The following EEF2K variants were observed in gnomAD, a reference collection of about 807,000 sequenced individuals.
The protein encoded by EEF2K is alternative protein EEF2K.
EEF2K carries 70 observed loss-of-function variants against 93.8 expected under a neutral mutation model. The ratio of observed to expected loss-of-function variants is 0.75; its 90% CI spans 0.62 to 0.91. The LOEUF is 0.91. Ranked by LOEUF, EEF2K falls within the 40% of genes least tolerant of loss-of-function variation. The pLI, the probability that EEF2K is intolerant of heterozygous loss-of-function variation, is 0.00. For missense variants in EEF2K, 935 were observed against 972.9 expected (o/e 0.96, Z 0.52); for synonymous variants, 376 against 380.8 (o/e 0.99, Z 0.15).
At chr16:22,217,152 C>T (rs1225936111) in intron 1 of EEF2K, among the ~76,000 whole-genome samples, 1 of 119,572 alleles carries the variant, frequency 8.4e-6, no homozygotes, top group Non-Finnish European at 1.6e-5. Flanking sequence ...CAGAGCAAGA[C>T]CCTGTCTCAA....
chr16:22,274,698 C>G (rs1179925037), intron 16 of EEF2K, among the ~76,000 whole-genome samples: 1 of 152,092 alleles, frequency 6.6e-6, no homozygotes, highest in Non-Finnish European at 1.5e-5. Flanking sequence ...GCCTCTACCT[C>G]CTGGGCTCAA....
chr16:22,242,571 C>T (rs1183192936), intron 2 of EEF2K, among the ~76,000 whole-genome samples: 3 of 151,958 alleles, frequency 2.0e-5, no homozygotes, highest in African/African-American at 4.8e-5. Context: ...CTCGGCCTCC[C>T]AAAGTGCTGG....
chr16:22,209,501 A>G (rs1179562828), intron 1 of EEF2K, among the ~76,000 whole-genome samples: 2 of 152,150 alleles, frequency 1.3e-5, no homozygotes, highest in African/African-American at 2.4e-5. Context: ...GGGATTCACT[A>G]TTTCTGGTCC....
chr16:22,278,840 T>C (rs2047665654), intron 16 of EEF2K, among the ~76,000 whole-genome samples: 2 of 152,088 alleles, frequency 1.3e-5, no homozygotes. Flanking sequence ...TGGCCATACA[T>C]GGGCTGCAGT....
At chr16:22,245,751 C>G (rs182396109) in intron 3 of EEF2K, among the ~76,000 whole-genome samples, 151 of 152,254 alleles carry the variant, frequency 9.9e-4, no homozygotes, top group Middle Eastern at 3.4e-3. Context: ...TCTCCAAGCT[C>G]TCTCTGCCTT....
chr16:22,260,642 G>T (rs1389264541), intron 11 of EEF2K, 113 bp downstream of exon 11: 5 of 1,297,310 alleles, frequency 3.9e-6, no homozygotes, highest in Non-Finnish European at 5.5e-6. Flanking sequence ...CCCAGGCACT[G>T]CCAGGAGGGC....
At chr16:22,241,586 C>T (rs2047222358) in intron 2 of EEF2K, among the ~76,000 whole-genome samples, 1 of 133,124 alleles carries the variant, frequency 7.5e-6, no homozygotes, top group South Asian at 2.5e-4. Flanking sequence ...TTGCAGTGAG[C>T]TGAGATCACC....
chr16:22,273,578 G>A (rs1303067375), intron 15 of EEF2K, 48 bp from the exon 16 acceptor site: 9 of 1,606,446 alleles, frequency 5.6e-6, no homozygotes, highest in Non-Finnish European at 7.7e-6. Flanking sequence ...GCCCTCGAGT[G>A]TAAGCCTCAT....
chr16:22,271,995 C>T (rs1159087670), intron 15 of EEF2K, among the ~76,000 whole-genome samples: 1 of 152,230 alleles, frequency 6.6e-6, no homozygotes, highest in Non-Finnish European at 1.5e-5. Context: ...GATATTTCTT[C>T]AATTTGCTGT....
chr16:22,241,658 A>C (rs1230241385), intron 2 of EEF2K, among the ~76,000 whole-genome samples: 4 of 151,484 alleles, frequency 2.6e-5, no homozygotes, highest in Non-Finnish European at 5.9e-5. Flanking sequence ...AAAAAAAAAA[A>C]AAAACATATA....
chr16:22,234,235 C>T (rs1289994821), intron 2 of EEF2K, among the ~76,000 whole-genome samples: 1 of 152,142 alleles, frequency 6.6e-6, no homozygotes, highest in Non-Finnish European at 1.5e-5. Context: ...CCTTATTTGG[C>T]CAACTTTGGT....
At chr16:22,246,645 GA>G (rs1481398486) in intron 3 of EEF2K, among the ~76,000 whole-genome samples, 6 of 151,080 alleles carry the variant, frequency 4.0e-5, no homozygotes, top group Non-Finnish European at 7.4e-5. Context: ...CTGGGGCTCA[GA>G]AAATGATACC....
intron 12 of EEF2K, among the ~76,000 whole-genome samples, chr16:22,264,061 G>A (rs891985801): frequency 4.0e-5 from 6 of 151,864 alleles, no homozygotes; most frequent in African/African-American, 1.5e-4. Flanking sequence ...TGGGAGGCCG[G>A]GGCAGGCAGA....
At chr16:22,207,145 G>T (rs1394036165) in intron 1 of EEF2K, among the ~76,000 whole-genome samples, 3 of 152,224 alleles carry the variant, frequency 2.0e-5, no homozygotes, top group African/African-American at 7.2e-5. Context: ...TGTTGGCTGC[G>T]GGAGTTTGTT....
intron 2 of EEF2K, among the ~76,000 whole-genome samples, chr16:22,240,738 G>A (rs2047213592): frequency 6.6e-6 from 1 of 152,068 alleles, no homozygotes; most frequent in Non-Finnish European, 1.5e-5. Context: ...AGAACATGTG[G>A]TGTGGTCCAA....
Position 22,273,668 on chromosome 16 carries a change from A to G in EEF2K, c.1807A>G (p.Lys603Glu), listed in dbSNP as rs1201408731. 6.2e-7 allele frequency: 1 copy of G among 1,614,150 alleles called. No homozygotes were observed. The highest frequency in any genetic ancestry group is 1.3e-5 in the African/African-American group (1 of 75,038). Reference protein sequence around the residue: ...NKTKGFDYLLKAAEAGDRQSM... With the variant: ...NKTKGFDYLLEAAEAGDRQSM... ...AACCAAAGGATTTGATTACTTACTAAAGGCCGCTGAAGCTGGCGACAGGCA... is the reference window on the plus strand; with the variant it reads ...AACCAAAGGATTTGATTACTTACTAGAGGCCGCTGAAGCTGGCGACAGGCA... Residue 603 changes from lysine to glutamate, a missense_variant, in exon 16 of 18, where the codon AAG becomes GAG. By Grantham distance (56) the Lys-to-Glu change is moderately conservative (BLOSUM62 1). Coordinates refer to ENST00000263026, the MANE Select transcript of EEF2K (RefSeq NM_013302.5).
At chr16:22,255,433 A>G (rs2047389634) in intron 6 of EEF2K, among the ~76,000 whole-genome samples, 1 of 152,092 alleles carries the variant, frequency 6.6e-6, no homozygotes, top group Admixed American at 6.6e-5. Flanking sequence ...GGACCACATA[A>G]TCAATTCTGG....
At chr16:22,249,898 C>T (rs994803896) in intron 4 of EEF2K, among the ~76,000 whole-genome samples, 1 of 151,966 alleles carries the variant, frequency 6.6e-6, no homozygotes, top group African/African-American at 2.4e-5. Context: ...TCTCCTGCCT[C>T]AGCCTCCCAA....
intron 1 of EEF2K, among the ~76,000 whole-genome samples, chr16:22,214,586 G>A (rs1265873832): frequency 2.0e-5 from 3 of 152,110 alleles, no homozygotes. Context: ...GATCACTTGA[G>A]CCCAGGAGTT....
Sources: allele counts gnomAD v4.1 joint callset (sites outside exome capture counted in the v4.1 genomes callset), GRCh38; gene constraint gnomAD v4.1.1; transcripts MANE v1.5; gene names NCBI Gene and HGNC (gene_info 2026-07-23, HGNC 2026-07-21).